The following LINGO2 variants were observed in gnomAD, a reference collection of about 807,000 sequenced individuals.
LINGO2 encodes leucine-rich repeat and immunoglobulin-like domain-containing nogo receptor-interacting protein 2.
Under a neutral mutation model 30.6 loss-of-function variants are expected in LINGO2, and 14 were observed. The observed-to-expected ratio is 0.46, with a 90% confidence interval of 0.30 to 0.72. The LOEUF is 0.72. Ranked by LOEUF, LINGO2 falls within the 30% of genes least tolerant of loss-of-function variation. The probability of loss-of-function intolerance (pLI) is 0.07; values close to 1 mark genes in which losing one functional copy is unlikely to be tolerated. For missense variants in LINGO2, 729 were observed against 751.7 expected, an observed-to-expected ratio of 0.97 and a Z score of 0.35; for synonymous variants, 317 against 288.5, an observed-to-expected ratio of 1.10 and a Z score of -1.00.
chr9:28,825,481 C>T, the LINGO2 span, among the ~76,000 whole-genome samples: 6 of 151,636 alleles, frequency 4.0e-5, no homozygotes, highest in Non-Finnish European at 4.4e-5. Context: ...ACTAAACTCA[C>T]ACTGACGTCA....
the LINGO2 span, among the ~76,000 whole-genome samples, chr9:29,101,243 G>C: frequency 1.3e-5 from 2 of 152,080 alleles, no homozygotes; most frequent in East Asian, 3.9e-4. Context: ...TTAATCAAAG[G>C]AACTCCTAGG....
intron 4 of LINGO2, among the ~76,000 whole-genome samples, chr9:28,067,839 A>G (rs1198407168): frequency 6.6e-6 from 1 of 152,216 alleles, no homozygotes; most frequent in African/African-American, 2.4e-5. Flanking sequence ...GCTACGATGT[A>G]GATACGTTGG....
chr9:29,194,773 C>T, the LINGO2 span, among the ~76,000 whole-genome samples: 1 of 152,182 alleles, frequency 6.6e-6, no homozygotes, highest in South Asian at 2.1e-4. Context: ...TTCCCTTTAC[C>T]AAGATTTCCT....
At chr9:28,090,084 C>A (rs769121732) in intron 4 of LINGO2, among the ~76,000 whole-genome samples, 35 of 151,860 alleles carry the variant, frequency 2.3e-4, no homozygotes, top group Non-Finnish European at 4.0e-4. Flanking sequence ...GCTTACCAAC[C>A]AAAAAAAGTC....
the LINGO2 span, among the ~76,000 whole-genome samples, chr9:28,726,746 T>C: frequency 6.6e-6 from 1 of 152,222 alleles, no homozygotes; most frequent in Non-Finnish European, 1.5e-5. Context: ...ACAATAGATG[T>C]AGTGTAATTT....
At chr9:28,884,697 GTATA>G in the LINGO2 span, among the ~76,000 whole-genome samples, 1 of 138,026 alleles carries the variant, frequency 7.2e-6, no homozygotes, top group Non-Finnish European at 1.5e-5. Flanking sequence ...GTATGTATGT[GTATA>G]TATATATATA....
At chr9:28,885,876 A>C in the LINGO2 span, among the ~76,000 whole-genome samples, 2 of 152,088 alleles carry the variant, frequency 1.3e-5, no homozygotes, top group African/African-American at 4.8e-5. Context: ...TTCTCCAGAG[A>C]GTTTCAAACT....
Position 28,601,775 on chromosome 9 carries a change from A to G in LINGO2, c.-365+68425T>C, listed in dbSNP as rs1376790193. The stretch of plus-strand genomic sequence containing the variant: ...CCCTCAAGTCCTCACTCATAGCTGC[A>G]TATTCTAACTTTATGCAAAAGCTAC... On this transcript the variant is annotated intron_variant, in intron 1 of 5. Transcript: ENST00000379992. Among the ~76,000 whole-genome samples the G allele has an allele frequency of 2.0e-5, 3 of 152,140 alleles. No homozygotes were observed. The East Asian group carries it at 5.8e-4, about 29-fold the overall frequency.
At chr9:28,993,661 A>T in the LINGO2 span, among the ~76,000 whole-genome samples, 6 of 150,526 alleles carry the variant, frequency 4.0e-5, 1 homozygote, top group African/African-American at 1.5e-4. Context: ...CAAAGAGCTT[A>T]TCCACCATGA....
At chr9:28,057,068 A>T in intron 4 of LINGO2, among the ~76,000 whole-genome samples, 1 of 152,116 alleles carries the variant, frequency 6.6e-6, no homozygotes, top group South Asian at 2.1e-4. Flanking sequence ...TAATGTAATG[A>T]TTGTTATTCT....
chr9:29,094,122 T>C, the LINGO2 span, among the ~76,000 whole-genome samples: 2 of 138,808 alleles, frequency 1.4e-5, 1 homozygote, highest in Non-Finnish European at 3.1e-5. Flanking sequence ...TAAGCTGACA[T>C]AATGTCAAAT....
the LINGO2 span, among the ~76,000 whole-genome samples, chr9:28,859,252 G>A: frequency 6.6e-6 from 1 of 151,808 alleles, no homozygotes; most frequent in African/African-American, 2.4e-5. Flanking sequence ...TTATTATTTG[G>A]GGAACAGGCT....
At chr9:28,535,337 G>A (rs1366121332) in intron 1 of LINGO2, among the ~76,000 whole-genome samples, 1 of 151,984 alleles carries the variant, frequency 6.6e-6, no homozygotes, top group African/African-American at 2.4e-5. Context: ...CTTTTGCAGG[G>A]ATCATGAATT....
the LINGO2 span, among the ~76,000 whole-genome samples, chr9:28,730,764 A>G: frequency 1.1e-4 from 17 of 152,254 alleles, no homozygotes; most frequent in African/African-American, 4.1e-4. Context: ...AACTCAAGCT[A>G]AAAGCACAAT....
chr9:28,339,261 A>G (rs986510067), intron 3 of LINGO2, among the ~76,000 whole-genome samples: 23 of 143,132 alleles, frequency 1.6e-4, no homozygotes, highest in Non-Finnish European at 2.9e-4. Flanking sequence ...ACTACTAATA[A>G]TAACAGTAAA....
intron 4 of LINGO2, among the ~76,000 whole-genome samples, chr9:28,024,413 C>T (rs974656330): frequency 6.6e-6 from 1 of 152,128 alleles, no homozygotes; most frequent in East Asian, 1.9e-4. Flanking sequence ...CAATTCCAAC[C>T]ATCTTATGAA....
intron 4 of LINGO2, among the ~76,000 whole-genome samples, chr9:28,171,474 G>T (rs1828579833): frequency 3.3e-5 from 5 of 152,116 alleles, no homozygotes; most frequent in Admixed American, 3.3e-4. Flanking sequence ...CCATCAAACT[G>T]GGGAGAGAAG....
the LINGO2 span, among the ~76,000 whole-genome samples, chr9:28,955,676 G>T: frequency 2.0e-5 from 3 of 152,100 alleles, no homozygotes; most frequent in African/African-American, 7.2e-5. Flanking sequence ...AAGGCCTAAA[G>T]AAACTGAATC....
the LINGO2 span, among the ~76,000 whole-genome samples, chr9:29,130,604 A>C: frequency 2.0e-5 from 3 of 152,274 alleles, no homozygotes; most frequent in South Asian, 6.2e-4. Flanking sequence ...ACTTTAAACT[A>C]GTGATCTAAT....
Sources: gnomAD v4.1 joint callset for allele counts (sites outside exome capture counted in the v4.1 genomes callset) on GRCh38, gnomAD v4.1.1 for gene constraint, MANE v1.5 for transcripts, NCBI Gene and HGNC (gene_info 2026-07-23, HGNC 2026-07-21) for gene names.